The following FBXO31 variants were observed in gnomAD, a reference collection of about 807,000 sequenced individuals.
The protein encoded by FBXO31 is F-box protein 31.
A neutral mutation model predicts 54.4 loss-of-function variants in FBXO31; 24 were observed. That is an observed-to-expected ratio of 0.44 (90% CI 0.32 to 0.62). FBXO31 has a LOEUF of 0.62. Ranked by LOEUF, FBXO31 falls within the 20% of genes least tolerant of loss-of-function variation. FBXO31 has a pLI of 0.05. For synonymous variants in FBXO31, 388 were observed against 335.6 expected (o/e 1.16, Z -1.71); for missense variants, 665 against 787.1 (o/e 0.84, Z 1.86).
Position 87,338,570 on chromosome 16 carries a change from C to A in FBXO31, c.733-2306G>T, listed in dbSNP as rs986944004. ...GCCAGGTCTGGGTGGGCCCGAGCGT[C>A]CCATTTCTCACAAGGACCCACGGCT... On this transcript the variant is annotated intron_variant, in intron 5 of 8. Coordinates refer to ENST00000311635, the MANE Select transcript of FBXO31 (RefSeq NM_024735.5). This position sits in a 1 kb window ranked among gnomAD's most constrained non-coding sequence, Gnocchi z 4.3. 2.0e-5 allele frequency among the ~76,000 whole-genome samples: 3 copies of A among 152,166 alleles called. No homozygotes were observed. The highest frequency in any genetic ancestry group is 4.4e-5 in the Non-Finnish European group (3 of 68,038).
chr16:87,370,992 G>GCGGCC (rs1321218727), intron 1 of FBXO31, among the ~76,000 whole-genome samples: 2 of 152,168 alleles, frequency 1.3e-5, no homozygotes, highest in Non-Finnish European at 2.9e-5. Context: ...CGCCCCAACT[G>GCGGCC]CGGCCCGGCA....
chr16:87,359,271 C>G (rs1221665451), intron 2 of FBXO31, among the ~76,000 whole-genome samples: 1 of 152,176 alleles, frequency 6.6e-6, no homozygotes, highest in Non-Finnish European at 1.5e-5. Context: ...CTCTTCTGTG[C>G]CCACCCCCTG....
At chr16:87,333,776 C>T in intron 8 of FBXO31, 110 bp downstream of exon 8, 1 of 1,478,574 alleles carries the variant, frequency 6.8e-7, no homozygotes, top group African/African-American at 1.4e-5. Context: ...CCGGCTGCCG[C>T]CCTCTGTGAG....
intron 4 of FBXO31, 151 bp downstream of exon 4, chr16:87,343,447 C>A: frequency 1.1e-6 from 1 of 938,008 alleles, no homozygotes; most frequent in Non-Finnish European, 1.6e-6. Context: ...GAGGCGTAAA[C>A]AATGCACAGC....
rs748699339 is a variant in FBXO31 at position 87,336,136 on chromosome 16, G to A, written c.842+19C>T. ...ACCAGGAGAGGGCTACCCCAGCACC[G>A]AGCAGGAGCCGCACTCACTCGTACT... On this transcript the variant is annotated intron_variant, in intron 6 of 8. Coordinates refer to ENST00000311635, the MANE Select transcript of FBXO31 (RefSeq NM_024735.5). This position sits in a 1 kb window ranked among gnomAD's most constrained non-coding sequence, Gnocchi z 6.5. 4.3e-5 allele frequency: 69 copies of A among 1,604,952 alleles called. No homozygotes were observed. Among genetic ancestry groups the A allele is most frequent in the Admixed American group, 1.5e-4 (9 of 59,958 alleles).
chr16:87,385,553 T>A (rs1223623721), upstream of FBXO31, among the ~76,000 whole-genome samples: 1 of 151,916 alleles, frequency 6.6e-6, no homozygotes, highest in East Asian at 1.9e-4. Flanking sequence ...ATACATAAAT[T>A]ATAAATTGTA....
intron 4 of FBXO31, among the ~76,000 whole-genome samples, chr16:87,343,353 A>C (rs567585247): frequency 6.6e-6 from 1 of 152,386 alleles, no homozygotes; most frequent in African/African-American, 2.4e-5. Flanking sequence ...GAGGAACTGA[A>C]GTTGCAAAGA....
rs981368660 is a variant in FBXO31, at chr16:87,346,185, C to G, written c.489+989G>C. On this transcript the variant is annotated intron_variant, in intron 3 of 8. Transcript: ENST00000311635. The surrounding 1 kb of genome is among the most constrained non-coding windows in gnomAD (Gnocchi z 4.2). The stretch of plus-strand genomic sequence containing the variant: ...CCCGGAATGAGAACGGGACGCTTCC[C>G]CAAGCCTGAGACGCGCGCATACCCC... Among the ~76,000 whole-genome samples the G allele has an allele frequency of 6.6e-6, 1 of 152,148 alleles. No individual in the cohort carries two copies. Among genetic ancestry groups the G allele is most frequent in the Non-Finnish European group, 1.5e-5 (1 of 68,028 alleles).
chr16:87,357,099 A>G (rs981513049), intron 2 of FBXO31, among the ~76,000 whole-genome samples: 5 of 151,932 alleles, frequency 3.3e-5, no homozygotes, highest in Non-Finnish European at 5.9e-5. Context: ...TGAAAAATTA[A>G]CCAGGCATGG....
rs916210439 is a variant in FBXO31 at position 87,336,036 on chromosome 16, G to A, written c.842+119C>T. 1.3e-6 allele frequency: 1 copy of A among 747,600 alleles called. No individual in the cohort carries two copies. The highest frequency in any genetic ancestry group is 2.8e-5 in the East Asian group (1 of 36,196). 46.3% of individuals were successfully genotyped at this position (747,600 alleles called of 1,614,324 possible). A position where few individuals can be genotyped will look rare whatever the true frequency, so the allele number is the denominator to read the frequency against. ...CTCCCAGCCCCCAGCAGGAGAGAGGGCTGAACCCCAGCACCCACTGAGACA... is the reference window on the plus strand; with the variant it reads ...CTCCCAGCCCCCAGCAGGAGAGAGGACTGAACCCCAGCACCCACTGAGACA... On this transcript the variant is annotated intron_variant, in intron 6 of 8. Transcript: ENST00000311635. The surrounding 1 kb of genome is among the most constrained non-coding windows in gnomAD (Gnocchi z 6.5).
At chr16:87,371,238 T>A (rs1906590826) in intron 1 of FBXO31, among the ~76,000 whole-genome samples, 1 of 152,150 alleles carries the variant, frequency 6.6e-6, no homozygotes, top group Non-Finnish European at 1.5e-5. Flanking sequence ...AACAATCTCA[T>A]CCCTGCAATG....
At chr16:87,356,618 A>G (rs1242301736) in intron 2 of FBXO31, among the ~76,000 whole-genome samples, 1 of 152,164 alleles carries the variant, frequency 6.6e-6, no homozygotes, top group Non-Finnish European at 1.5e-5. Context: ...GCACCTCCGC[A>G]CCAACTACAC....
At chr16:87,333,453 A>G (rs949864919) in intron 8 of FBXO31, among the ~76,000 whole-genome samples, 1 of 152,236 alleles carries the variant, frequency 6.6e-6, no homozygotes, top group Non-Finnish European at 1.5e-5. Context: ...GGAGGACACC[A>G]AACCAGACGG....
chr16:87,347,830 C>T (rs1386804608), intron 2 of FBXO31, among the ~76,000 whole-genome samples: 1 of 152,110 alleles, frequency 6.6e-6, no homozygotes, highest in Admixed American at 6.5e-5. Context: ...AGACAGAAGA[C>T]GTGCAAACAG....
At position 87,330,180 on chromosome 16, in the gene FBXO31, G is replaced by C. The variant is rs968546617; in HGVS notation, c.*1108C>G. On this transcript the variant is annotated 3_prime_UTR_variant, in exon 9 of 9. Transcript: ENST00000311635. ...CAACCTCAGCCAAGACCTCAGATGG[G>C]GTCCCCACACGCAGGTGTTAACACA... is the stretch of plus-strand genomic sequence containing the variant. The C allele has an allele frequency of 6.6e-6, 1 of 152,478 alleles. No individual in the cohort carries two copies. The highest frequency in any genetic ancestry group is 1.5e-5 in the Non-Finnish European group (1 of 68,214). The allele number at this position is 152,478 out of a possible 1,614,324, so 9.4% of individuals were successfully genotyped here.
chr16:87,382,873 T>G (rs1295354575), intron 1 of FBXO31, among the ~76,000 whole-genome samples: 1 of 152,166 alleles, frequency 6.6e-6, no homozygotes, highest in Non-Finnish European at 1.5e-5. Flanking sequence ...TGACCTCAGG[T>G]GACCCGCCCG....
At chr16:87,378,464 G>C (rs1906925465) in intron 1 of FBXO31, among the ~76,000 whole-genome samples, 1 of 152,190 alleles carries the variant, frequency 6.6e-6, no homozygotes, top group Non-Finnish European at 1.5e-5. Context: ...GATTAAATGA[G>C]AAACTTAAAG....
At position 87,331,401 on chromosome 16, in the gene FBXO31, G is replaced by A; in HGVS notation, c.1507C>T (p.Leu503=). The change falls in exon 9 of 9, where the codon CTG becomes TTG. Residue 503 remains leucine, a synonymous_variant. Coordinates refer to ENST00000311635, the MANE Select transcript of FBXO31 (RefSeq NM_024735.5). ...CGGCTGTACAGGCTGAAGGATTTCA[G>A]CTCCAGCCAGACGAACCCGAAGCGG... ...EDRFGFVWLE[L]KSFSLYSRVQ... 1.9e-6 allele frequency: 3 copies of A among 1,613,906 alleles called. No individual in the cohort carries two copies. The highest frequency in any genetic ancestry group is 2.5e-6 in the Non-Finnish European group (3 of 1,180,026).
Position 87,346,224 on chromosome 16 carries a change from G to A in FBXO31, c.489+950C>T, listed in dbSNP as rs2150676364. Among the ~76,000 whole-genome samples the A allele has an allele frequency of 6.6e-6, 1 of 152,250 alleles. No individual in the cohort carries two copies. Among genetic ancestry groups the A allele is most frequent in the South Asian group, 2.1e-4 (1 of 4,828 alleles). On this transcript the variant is annotated intron_variant, in intron 3 of 8. Transcript: ENST00000311635. This position sits in a 1 kb window ranked among gnomAD's most constrained non-coding sequence, Gnocchi z 4.2. Reference sequence around the variant, plus strand: ...CGCGCATACCCCGGGCCTGCGCAGAGCAGGTGCCCTGACTCCACTTTGCCC... The same window carrying A: ...CGCGCATACCCCGGGCCTGCGCAGAACAGGTGCCCTGACTCCACTTTGCCC...
Sources: allele counts gnomAD v4.1 joint callset (sites outside exome capture counted in the v4.1 genomes callset), GRCh38; gene constraint gnomAD v4.1.1; non-coding constraint Gnocchi (gnomAD v3.1); transcripts MANE v1.5; gene names NCBI Gene and HGNC (gene_info 2026-07-23, HGNC 2026-07-21).